Variants in MED19 observed in about 807,000 individuals in gnomAD.
MED19 encodes the protein mediator complex subunit 19, also known as mediator of RNA polymerase II transcription subunit 19.
Under a neutral mutation model 19.9 loss-of-function variants are expected in MED19, and 4 were observed. The observed-to-expected ratio is 0.20, with a 90% CI of 0.10 to 0.46. MED19 has a LOEUF of 0.46. MED19 is among the 20% of genes least tolerant of loss of function. The probability of loss-of-function intolerance (pLI) is 0.99; values close to 1 mark genes in which losing one functional copy is unlikely to be tolerated. For missense variants in MED19, 303 were observed against 318.7 expected (o/e 0.95, Z 0.38); for synonymous variants, 139 against 119.6 (o/e 1.16, Z -1.06).
chr11:57,712,114 G>A, exon 1 of MED19: 1 of 1,528,732 alleles, frequency 6.5e-7, no homozygotes. Flanking sequence ...CTGGTCCGAA[G>A]CCGAGTGCGG....
rs1391962931 is a variant in MED19, at chr11:57,704,676, T to TG, written c.571+42_571+43insC. The stretch of plus-strand genomic sequence containing the variant: ...CCAGATTCAGAAGGTCAGGTTTTTT[T>TG]TTTTTTTTTTTTTTTTTTGCTTTGA... On this transcript the variant is annotated intron_variant, in intron 3 of 4. Coordinates refer to ENST00000431606, the Ensembl canonical transcript of MED19. 4.6e-6 allele frequency: 7 copies of TG among 1,522,538 alleles called. No homozygotes were observed. In the Admixed American group the frequency reaches 6.4e-5, roughly 14 times the overall value. 94.3% of individuals were successfully genotyped at this position (1,522,538 alleles called of 1,614,324 possible). A position where few individuals can be genotyped will look rare whatever the true frequency, so the allele number is the denominator to read the frequency against.
At chr11:57,704,813 C>T (rs1392391506) in exon 3 of MED19, 1 of 1,613,342 alleles carries the variant, frequency 6.2e-7, no homozygotes, top group Non-Finnish European at 8.5e-7. Flanking sequence ...ACTGCTCCGG[C>T]AACTGAAGGA....
chr11:57,710,062 G>A (rs1234351868), intron 1 of MED19, among the ~76,000 whole-genome samples: 3 of 152,182 alleles, frequency 2.0e-5, no homozygotes, highest in Non-Finnish European at 4.4e-5. Flanking sequence ...AACTTCCTAT[G>A]TTAAAATGGC....
chr11:57,709,353 C>T (rs1442742756), intron 1 of MED19, among the ~76,000 whole-genome samples: 1 of 151,472 alleles, frequency 6.6e-6, no homozygotes, highest in East Asian at 1.9e-4. Context: ...TGCACTCCAG[C>T]CTGGGCAACA....
intron 1 of MED19, among the ~76,000 whole-genome samples, chr11:57,708,668 C>A (rs924269913): frequency 6.6e-6 from 1 of 152,142 alleles, no homozygotes; most frequent in African/African-American, 2.4e-5. Flanking sequence ...TATCCTTAAA[C>A]CACAAATTTT....
chr11:57,711,545 G>A (rs982553090), intron 1 of MED19, among the ~76,000 whole-genome samples: 3 of 152,006 alleles, frequency 2.0e-5, no homozygotes, highest in Non-Finnish European at 4.4e-5. Flanking sequence ...GTGGAGACAG[G>A]GTTTCATCAT....
intron 1 of MED19, among the ~76,000 whole-genome samples, chr11:57,706,999 A>G (rs1257268946): frequency 6.6e-6 from 1 of 152,174 alleles, no homozygotes; most frequent in Non-Finnish European, 1.5e-5. Context: ...GGAGTTTGAG[A>G]CCAGCCTGGC....
intron 4 of MED19, 64 bp from the exon 5 acceptor site, chr11:57,704,170 C>T: frequency 6.5e-7 from 1 of 1,530,844 alleles, no homozygotes; most frequent in Non-Finnish European, 8.7e-7. Context: ...TCAGGCTGTA[C>T]AGGAGAAACC....
At chr11:57,707,996 C>A (rs1421679001) in intron 1 of MED19, among the ~76,000 whole-genome samples, 2 of 152,074 alleles carry the variant, frequency 1.3e-5, no homozygotes, top group African/African-American at 4.8e-5. Flanking sequence ...CCATGCTAGG[C>A]TAATTTTTGT....
chr11:57,705,241 A>G lies in MED19; in HGVS notation c.218-12T>C. On this transcript the variant is annotated splice_polypyrimidine_tract_variant and intron_variant, in intron 1 of 4. Coordinates refer to ENST00000431606, the Ensembl canonical transcript of MED19. ...CAGCTCTGTGCTACCTAGACAACGC[A>G]GAATAAAAATAAAAAAGATCAGTCT... 6.2e-7 allele frequency: 1 copy of G among 1,610,504 alleles called. No homozygotes were observed. Among genetic ancestry groups the G allele is most frequent in the Non-Finnish European group, 8.5e-7 (1 of 1,177,416 alleles).
At chr11:57,707,818 C>T (rs979025286) in intron 1 of MED19, among the ~76,000 whole-genome samples, 1 of 152,074 alleles carries the variant, frequency 6.6e-6, no homozygotes, top group African/African-American at 2.4e-5. Flanking sequence ...TTTGACTATT[C>T]TACAAAGATT....
chr11:57,705,648 T>A (rs1946500721), intron 1 of MED19, among the ~76,000 whole-genome samples: 1 of 139,622 alleles, frequency 7.2e-6, no homozygotes. Context: ...CGAGACTCTG[T>A]CTCAAAAAAA....
At chr11:57,706,109 T>A (rs1946505211) in intron 1 of MED19, among the ~76,000 whole-genome samples, 1 of 152,130 alleles carries the variant, frequency 6.6e-6, no homozygotes, top group African/African-American at 2.4e-5. Context: ...TTATTCTTCC[T>A]CGTGATACTG....
chr11:57,710,189 C>CAG (rs1402592109), intron 1 of MED19, among the ~76,000 whole-genome samples: 4 of 152,142 alleles, frequency 2.6e-5, no homozygotes, highest in Non-Finnish European at 4.4e-5. Flanking sequence ...CAGTAAGACC[C>CAG]AGTCTCTACA....
intron 1 of MED19, among the ~76,000 whole-genome samples, chr11:57,705,943 C>A (rs1004449436): frequency 1.3e-5 from 2 of 151,746 alleles, no homozygotes; most frequent in Non-Finnish European, 2.9e-5. Context: ...TCAGCTACAA[C>A]CATGCTCAGG....
At chr11:57,703,740 T>TA in exon 5 of MED19, 1 of 306,708 alleles carries the variant, frequency 3.3e-6, no homozygotes, top group South Asian at 1.0e-4. Context: ...TTTTTTTTTT[T>TA]AAAGAAAACA....
chr11:57,711,822 C>G (rs1329687845), intron 1 of MED19, 141 bp downstream of exon 1: 1 of 888,460 alleles, frequency 1.1e-6, no homozygotes, highest in Non-Finnish European at 1.6e-6. Context: ...TGAATCCTAA[C>G]AGCGCTTCCG....
intron 3 of MED19, 131 bp downstream of exon 3, chr11:57,704,588 G>A: frequency 6.2e-7 from 1 of 1,606,224 alleles, no homozygotes; most frequent in Non-Finnish European, 8.5e-7. Flanking sequence ...TTCTTCTTCA[G>A]GGGAATTTAG....
In MED19 at chr11:57,705,242, GAATAAA is replaced by G. The variant is rs777695370; in HGVS notation, c.218-19_218-14del. ...AGCTCTGTGCTACCTAGACAACGCA[GAATAAA>G]AATAAAAAAGATCAGTCTTCAAAGT... is the stretch of plus-strand genomic sequence containing the variant. On this transcript the variant is annotated splice_polypyrimidine_tract_variant and intron_variant, in intron 1 of 4. Transcript: ENST00000431606. 1 of 1,608,316 alleles carries G rather than the reference GAATAAA, an allele frequency of 6.2e-7. No individual in the cohort carries two copies. The highest frequency in any genetic ancestry group is 1.7e-5 in the Admixed American group (1 of 59,274).
Sources: gnomAD v4.1 joint callset for allele counts (sites outside exome capture counted in the v4.1 genomes callset) on GRCh38, gnomAD v4.1.1 for gene constraint, MANE v1.5 for transcripts, NCBI Gene and HGNC (gene_info 2026-07-23, HGNC 2026-07-21) for gene names.